Variants in BRD1 observed in about 807,000 individuals in gnomAD.
BRD1 encodes the protein bromodomain containing 1, also known as bromodomain-containing protein 1.
BRD1 carries 24 observed loss-of-function variants against 107.7 expected under a neutral mutation model. The ratio of observed to expected loss-of-function variants is 0.22; its 90% confidence interval spans 0.16 to 0.31. The LOEUF (loss-of-function observed/expected upper bound fraction) is 0.31. Among genes scored for constraint, BRD1 ranks in the 10% least tolerant of loss-of-function variants. The pLI, the probability that BRD1 is intolerant of heterozygous loss-of-function variation, is 1.00. For synonymous variants in BRD1, 744 were observed against 686.1 expected (o/e 1.08, Z -1.32); for missense variants, 1,279 against 1,638.6 (o/e 0.78, Z 3.79).
chr22:49,811,541 C>T (rs995421331), intron 2 of BRD1, among the ~76,000 whole-genome samples: 7 of 152,184 alleles, frequency 4.6e-5, no homozygotes, highest in South Asian at 2.1e-4. Flanking sequence ...GGCAGCTGCA[C>T]GGCGTGGGTG....
At chr22:49,812,248 C>G (rs1255502353) in intron 2 of BRD1, among the ~76,000 whole-genome samples, 1 of 151,794 alleles carries the variant, frequency 6.6e-6, no homozygotes, top group African/African-American at 2.4e-5. Context: ...ATACTGTCCA[C>G]AAAGACGATC....
chr22:49,777,906 A>C, intron 8 of BRD1, 93 bp from the exon 9 acceptor site: 1 of 1,456,476 alleles, frequency 6.9e-7, no homozygotes, highest in African/African-American at 1.4e-5. Context: ...CATCTTACAA[A>C]GCACGTTTCA....
At chr22:49,786,284 G>T (rs551681225) in intron 8 of BRD1, among the ~76,000 whole-genome samples, 1 of 152,180 alleles carries the variant, frequency 6.6e-6, no homozygotes, top group Admixed American at 6.5e-5. Flanking sequence ...CTCCAGAAGC[G>T]CAGCCAGTAC....
At position 49,824,535 on chromosome 22, in the gene BRD1, A is replaced by G; in HGVS notation, c.-14-204T>C. 5 of 1,396,600 alleles carry G rather than the reference A, an allele frequency of 3.6e-6. No individual in the cohort carries two copies. The highest frequency in any genetic ancestry group is 5.9e-5 in the Admixed American group (2 of 33,690). The allele number at this position is 1,396,600 out of a possible 1,614,324, so 86.5% of individuals were successfully genotyped here. A position where few individuals can be genotyped will look rare whatever the true frequency, so the allele number is the denominator to read the frequency against. On this transcript the variant is annotated intron_variant, in intron 1 of 12. Coordinates refer to ENST00000404760, the MANE Select transcript of BRD1 (RefSeq NM_001304808.3). This position sits in a 1 kb window ranked among gnomAD's most constrained non-coding sequence, Gnocchi z 5.9. ...CAGGACCAGGGAGGGAGCAGCAGTA[A>G]CAGGCAGAGAGGCAGCCTGAGGAGC...
rs879766434 is a variant in BRD1 at position 49,775,824 on chromosome 22, C to CCCCCCGCAGCTGTGTGA, written c.3232-80_3232-79insTCACACAGCTGCGGGGG. On this transcript the variant is annotated intron_variant, in intron 11 of 12. Transcript: ENST00000404760. The stretch of plus-strand genomic sequence containing the variant: ...CCCACCTGTCACTGGCACCCCCCCC[C>CCCCCCGCAGCTGTGTGA]GCCTCCCCACCCCAGCTGTGTGAGC... 4,013 of 1,281,740 alleles carry CCCCCCGCAGCTGTGTGA rather than the reference C, an allele frequency of 3.1e-3. 169 individuals carry two copies. Among genetic ancestry groups the CCCCCCGCAGCTGTGTGA allele is most frequent in the African/African-American group, 6.9e-3 (273 of 39,486 alleles). The allele number at this position is 1,281,740 out of a possible 1,614,324, so 79.4% of individuals were successfully genotyped here.
Position 49,773,985 on chromosome 22 carries a change from T to G in BRD1, c.*248A>C. 2.6e-6 allele frequency: 1 copy of G among 380,488 alleles called. No homozygotes were observed. The allele number at this position is 380,488 out of a possible 1,614,324, so 23.6% of individuals were successfully genotyped here. A position where few individuals can be genotyped will look rare whatever the true frequency, so the allele number is the denominator to read the frequency against. ...AGAAAAAGCTACATATCAAAGAAAGTGACGCCAGCAGCACGGCCTGGGGAC... is the reference window on the plus strand; with the variant it reads ...AGAAAAAGCTACATATCAAAGAAAGGGACGCCAGCAGCACGGCCTGGGGAC... On this transcript the variant is annotated 3_prime_UTR_variant, in exon 13 of 13. Transcript: ENST00000404760.
intron 2 of BRD1, among the ~76,000 whole-genome samples, chr22:49,815,863 T>C (rs2059940839): frequency 6.6e-6 from 1 of 152,166 alleles, no homozygotes; most frequent in Admixed American, 6.5e-5. Flanking sequence ...GTCCTGGCGC[T>C]TCCTTCCCGA....
chr22:49,791,484 G>A (rs971149765), intron 7 of BRD1, among the ~76,000 whole-genome samples: 1 of 152,188 alleles, frequency 6.6e-6, no homozygotes, highest in African/African-American at 2.4e-5. Context: ...ACTCTTTTCA[G>A]GTGTGAAAAT....
chr22:49,810,172 A>C (rs1391647179), intron 2 of BRD1, among the ~76,000 whole-genome samples: 1 of 152,200 alleles, frequency 6.6e-6, no homozygotes, highest in Non-Finnish European at 1.5e-5. Context: ...GCAAGCAAGC[A>C]AGCCCCACAT....
rs1047417138 is a variant in BRD1 at position 49,783,725 on chromosome 22, G to A, written c.2857+3665C>T. On this transcript the variant is annotated intron_variant, in intron 8 of 12. Coordinates refer to ENST00000404760, the MANE Select transcript of BRD1 (RefSeq NM_001304808.3). The surrounding 1 kb of genome is among the most constrained non-coding windows in gnomAD (Gnocchi z 4.2). ...GCGCCAGCACCATTCCCACTGCCGGGCTCTGACTTACAGAGGGGGTGGGCT... is the reference window on the plus strand; with the variant it reads ...GCGCCAGCACCATTCCCACTGCCGGACTCTGACTTACAGAGGGGGTGGGCT... Among the ~76,000 whole-genome samples the A allele has an allele frequency of 1.4e-5, 2 of 144,970 alleles. No homozygotes were observed. Among genetic ancestry groups the A allele is most frequent in the African/African-American group, 2.5e-5 (1 of 39,920 alleles).
intron 8 of BRD1, among the ~76,000 whole-genome samples, chr22:49,782,202 C>T (rs572365607): frequency 1.3e-5 from 2 of 151,812 alleles, no homozygotes; most frequent in East Asian, 2.0e-4. Flanking sequence ...CAGAGACAGA[C>T]CCAAGGCCCA....
At chr22:49,794,423 C>A (rs1569106594) in intron 6 of BRD1, 129 bp from the exon 7 acceptor site, 13 of 1,236,514 alleles carry the variant, frequency 1.1e-5, no homozygotes, top group Middle Eastern at 2.4e-4. Flanking sequence ...GAGGCCCAGG[C>A]CCTGCTCACC....
In BRD1 at chr22:49,801,586, G is replaced by A. The variant is rs114681411; in HGVS notation, c.1525-2467C>T. On this transcript the variant is annotated intron_variant, in intron 3 of 12. Transcript: ENST00000404760. ...GGCAGGTTTCCAGGCTCTCCACGCC[G>A]ACTGCTCTGCTGCGGCTCAAGTCCA... 5.0e-3 allele frequency among the ~76,000 whole-genome samples: 765 copies of A among 152,350 alleles called. 3 individuals carry two copies. Among genetic ancestry groups the A allele is most frequent in the African/African-American group, 0.018 (737 of 41,576 alleles).
At chr22:49,822,007 A>C (rs2060076654) in intron 2 of BRD1, among the ~76,000 whole-genome samples, 2 of 152,260 alleles carry the variant, frequency 1.3e-5, no homozygotes, top group Admixed American at 6.5e-5. Flanking sequence ...AGGCCACAGC[A>C]GTGGATGTCC....
intron 2 of BRD1, among the ~76,000 whole-genome samples, chr22:49,805,183 A>G (rs2059717049): frequency 6.6e-6 from 1 of 152,230 alleles, no homozygotes; most frequent in Admixed American, 6.5e-5. Context: ...AAGTCTCCCA[A>G]GAAATGCAAA....
chr22:49,816,620 T>C (rs1406893041), intron 2 of BRD1, among the ~76,000 whole-genome samples: 1 of 152,122 alleles, frequency 6.6e-6, no homozygotes, highest in Non-Finnish European at 1.5e-5. Context: ...AGGCTGGGGC[T>C]GGGCGAGGTG....
At chr22:49,815,101 C>A (rs147447333) in intron 2 of BRD1, among the ~76,000 whole-genome samples, 29 of 152,330 alleles carry the variant, frequency 1.9e-4, no homozygotes, top group South Asian at 4.1e-4. Context: ...CGAAATGCTA[C>A]CTTTAGTTCA....
Position 49,824,117 on chromosome 22 carries a change from A to G in BRD1, c.201T>C (p.Ala67=), listed in dbSNP as rs1569144205. Residue 67 remains alanine, a synonymous_variant, in exon 2 of 13, where the codon GCT becomes GCC. Coordinates refer to ENST00000404760, the MANE Select transcript of BRD1 (RefSeq NM_001304808.3). The surrounding 1 kb of genome is among the most constrained non-coding windows in gnomAD (Gnocchi z 5.9). ...LEIILEDDLT[A]QEMSECNSNK... The stretch of plus-strand genomic sequence containing the variant: ...TGCTGTTGCACTCACTCATCTCTTG[A>G]GCAGTGAGGTCATCTTCCAATATGA... 1 of 1,613,978 alleles carries G rather than the reference A, an allele frequency of 6.2e-7. No individual in the cohort carries two copies.
At chr22:49,822,724 T>C (rs1011108007) in intron 2 of BRD1, among the ~76,000 whole-genome samples, 1 of 151,096 alleles carries the variant, frequency 6.6e-6, no homozygotes, top group African/African-American at 2.4e-5. Context: ...AAAAAAAACA[T>C]AGAAAACTAC....
Sources: gnomAD v4.1 joint callset for allele counts (sites outside exome capture counted in the v4.1 genomes callset) on GRCh38, gnomAD v4.1.1 for gene constraint, Gnocchi (gnomAD v3.1) non-coding constraint, MANE v1.5 for transcripts, NCBI Gene and HGNC (gene_info 2026-07-23, HGNC 2026-07-21) for gene names.